The following MCM5 variants were observed in gnomAD, a reference collection of about 807,000 sequenced individuals.
The protein encoded by MCM5 is DNA replication licensing factor MCM5.
Under a neutral mutation model 79.9 loss-of-function variants are expected in MCM5, and 46 were observed. That is an observed-to-expected ratio of 0.58 (90% CI 0.45 to 0.74). The LOEUF is 0.74. MCM5 is among the 30% of genes least tolerant of loss of function. The pLI, the probability that MCM5 is intolerant of heterozygous loss-of-function variation, is 0.00. For synonymous variants in MCM5, 404 were observed against 390.5 expected, an observed-to-expected ratio of 1.03 and a Z score of -0.41; for missense variants, 883 against 1,017.0, an observed-to-expected ratio of 0.87 and a Z score of 1.79.
At chr22:35,444,417 T>C in the MCM5 span, among the ~76,000 whole-genome samples, 5 of 152,126 alleles carry the variant, frequency 3.3e-5, no homozygotes, top group Admixed American at 3.3e-4. Context: ...CCAGCTGCTC[T>C]CAAAATAGCT....
rs1431830436 is a variant in MCM5, at chr22:35,413,055, T to A, written c.1091+374T>A. 3.9e-5 allele frequency among the ~76,000 whole-genome samples: 6 copies of A among 152,086 alleles called. No homozygotes were observed. In the East Asian group the frequency reaches 1.2e-3, roughly 29 times the overall value. On this transcript the variant is annotated intron_variant, in intron 8 of 16. Transcript: ENST00000216122. Reference sequence around the variant, plus strand: ...CCTATGCACAGCCATTCTTTGTTTTTTTTTTTTGAGACAGTCTCACTCTGT... The same window carrying A: ...CCTATGCACAGCCATTCTTTGTTTTATTTTTTTGAGACAGTCTCACTCTGT...
the MCM5 span, among the ~76,000 whole-genome samples, chr22:35,435,149 TCAAA>T: frequency 5.1e-4 from 78 of 151,966 alleles, 2 homozygotes; most frequent in Middle Eastern, 0.01. Flanking sequence ...AGACTCCATC[TCAAA>T]CAAACAAAAA....
chr22:35,408,418 G>T lies in MCM5; in HGVS notation c.607G>T (p.Gly203Trp). The T allele has an allele frequency of 6.2e-7, 1 of 1,613,980 alleles. No individual in the cohort carries two copies. Among genetic ancestry groups the T allele is most frequent in the Non-Finnish European group, 8.5e-7 (1 of 1,179,866 alleles). The change falls in exon 6 of 17, where the codon GGG becomes TGG. Residue 203 changes from glycine to tryptophan, a missense_variant. By Grantham distance (184) the Gly-to-Trp change is radical. Transcript: ENST00000216122. ...CCTTACCTTGTACAGAGATCAGGCT[G>T]GGCGCCCCAAATGCCCATTGGACCC... ...LPRKCNTDQAGRPKCPLDPYF... is the reference protein window; with the variant it reads ...LPRKCNTDQAWRPKCPLDPYF...
chr22:35,429,640 A>C, downstream of MCM5, among the ~76,000 whole-genome samples: 2 of 151,668 alleles, frequency 1.3e-5, 1 homozygote, highest in South Asian at 4.2e-4. Flanking sequence ...GGTTCAAGCA[A>C]TTCTCCTGCC....
intron 14 of MCM5, 21 bp from the exon 15 acceptor site, chr22:35,421,297 A>G (rs749744157): frequency 6.2e-7 from 1 of 1,609,172 alleles, no homozygotes; most frequent in Non-Finnish European, 8.5e-7. Flanking sequence ...GGCTACCCTG[A>G]GCACGCTGTT....
chr22:35,454,638 T>C, the MCM5 span, among the ~76,000 whole-genome samples: 1 of 152,180 alleles, frequency 6.6e-6, no homozygotes, highest in Non-Finnish European at 1.5e-5. Flanking sequence ...ACTGTGTGAT[T>C]TTGGACACCT....
the MCM5 span, among the ~76,000 whole-genome samples, chr22:35,433,777 C>T: frequency 0.011 from 1,737 of 152,284 alleles, 30 homozygotes; most frequent in African/African-American, 0.04. Flanking sequence ...CTCCCCTACC[C>T]CACCCTCCCC....
intron 15 of MCM5, chr22:35,421,882 G>T: frequency 3.4e-6 from 1 of 295,766 alleles, no homozygotes; most frequent in South Asian, 3.2e-5. Flanking sequence ...GCTGACACTC[G>T]AAGGGGCCTT....
At chr22:35,414,268 C>A (rs1932473758) in intron 9 of MCM5, among the ~76,000 whole-genome samples, 1 of 152,082 alleles carries the variant, frequency 6.6e-6, no homozygotes, top group South Asian at 2.1e-4. Flanking sequence ...AGTAAGTCAC[C>A]CAATCTCCCT....
chr22:35,427,691 T>G (rs951624268), downstream of MCM5, among the ~76,000 whole-genome samples: 3 of 151,910 alleles, frequency 2.0e-5, no homozygotes, highest in Non-Finnish European at 4.4e-5. Flanking sequence ...ATGTTATCCC[T>G]CCCTAGCCCC....
At chr22:35,401,229 G>C (rs989650329) in intron 2 of MCM5, 1 of 372,236 alleles carries the variant, frequency 2.7e-6, no homozygotes, top group African/African-American at 2.1e-5. Flanking sequence ...TCTTTATCCA[G>C]ATCTTGTTCC....
At chr22:35,436,453 G>A in the MCM5 span, among the ~76,000 whole-genome samples, 2 of 152,214 alleles carry the variant, frequency 1.3e-5, no homozygotes, top group African/African-American at 4.8e-5. Context: ...TTATGTGCAA[G>A]GCTTTATTGA....
In MCM5 at chr22:35,423,329, C is replaced by T; in HGVS notation, c.2091C>T (p.Asp697=). ...SQVSEHSIIK[D]FTKQKYPEHA... ...TGTCTGAGCACAGCATCATCAAGGACTTCACCAAGCAGGTGAGCCTGCCTT... is the reference window on the plus strand; with the variant it reads ...TGTCTGAGCACAGCATCATCAAGGATTTCACCAAGCAGGTGAGCCTGCCTT... Residue 697 remains aspartate, a synonymous_variant, in exon 16 of 17, where the codon GAC becomes GAT. Transcript: ENST00000216122. The T allele has an allele frequency of 6.2e-7, 1 of 1,602,360 alleles. No individual in the cohort carries two copies. The highest frequency in any genetic ancestry group is 1.1e-5 in the South Asian group (1 of 89,900).
intron 4 of MCM5, among the ~76,000 whole-genome samples, chr22:35,403,881 C>T (rs577148511): frequency 8.6e-5 from 13 of 150,444 alleles, no homozygotes; most frequent in African/African-American, 1.7e-4. Flanking sequence ...TTTGGGAGGC[C>T]GAGGGAGGAA....
At chr22:35,434,741 C>T in the MCM5 span, among the ~76,000 whole-genome samples, 2 of 152,240 alleles carry the variant, frequency 1.3e-5, no homozygotes, top group Non-Finnish European at 1.5e-5. Flanking sequence ...AAGAGTCCCA[C>T]AGTTCCTGCT....
intron 13 of MCM5, 130 bp from the exon 14 acceptor site, chr22:35,419,754 C>A: frequency 2.3e-6 from 2 of 884,502 alleles, no homozygotes; most frequent in Non-Finnish European, 3.3e-6. Flanking sequence ...GTCCCCCAGC[C>A]CATATGAGTG....
rs1160722114 is a variant in MCM5 at position 35,416,693 on chromosome 22, C to T, written c.1469C>T (p.Ser490Leu). 7 of 1,614,032 alleles carry T rather than the reference C, an allele frequency of 4.3e-6. No individual in the cohort carries two copies. In the South Asian group the frequency reaches 7.7e-5, roughly 18 times the overall value. ...TGCTCCGTCCTGGCTGCTGCCAACT[C>T]AGTGTTCGGCCGCTGGGATGAGACG... ...SRCSVLAAAN[S>L]VFGRWDETKG... Residue 490 changes from serine (S) to leucine (L), a missense_variant, in exon 12 of 17, where the codon TCA becomes TTA. Around this residue, in one of 3 missense-constraint regions of MCM5, gnomAD observed 426 missense variants for 482.3 expected, o/e 0.88. Transcript: ENST00000216122.
Position 35,416,378 on chromosome 22 carries a change from G to C in MCM5, c.1387G>C (p.Glu463Gln). ...CCGTGTGGCAATCCACGAAGCCATG[G>C]AGCAGCAGACCATCTCTATCGCCAA... ...DDRVAIHEAM[E>Q]QQTISIAKAG... The change falls in exon 11 of 17, where the codon GAG becomes CAG. Residue 463 changes from glutamate (E) to glutamine (Q), a missense_variant. Physicochemically the swap from Glu to Gln is conservative, Grantham distance 29 (BLOSUM62 2). This residue lies in a region of MCM5 where 426 missense variants were observed against 482.3 expected (regional missense o/e 0.88). Transcript: ENST00000216122. 1 of 1,613,914 alleles carries C rather than the reference G, an allele frequency of 6.2e-7. No individual in the cohort carries two copies. The highest frequency in any genetic ancestry group is 8.5e-7 in the Non-Finnish European group (1 of 1,180,028).
the MCM5 span, among the ~76,000 whole-genome samples, chr22:35,441,818 G>A: frequency 6.6e-6 from 1 of 152,098 alleles, no homozygotes; most frequent in African/African-American, 2.4e-5. Context: ...AAGCACAAAA[G>A]GCCTAGAGGT....
Sources: gnomAD v4.1 joint callset for allele counts (sites outside exome capture counted in the v4.1 genomes callset) on GRCh38, gnomAD v4.1.1 for gene constraint, gnomAD v4.1.1 regional missense constraint, MANE v1.5 for transcripts, NCBI Gene and HGNC (gene_info 2026-07-23, HGNC 2026-07-21) for gene names.